EPHA5: variants seen among roughly 807,000 people sequenced by gnomAD.
EPHA5 encodes ephrin type-A receptor 5.
EPHA5 carries 60 observed loss-of-function variants against 105.0 expected under a neutral mutation model. That is an observed-to-expected ratio of 0.57 (90% CI 0.46 to 0.71). The LOEUF is 0.71. Ranked by LOEUF, EPHA5 falls within the 30% of genes least tolerant of loss-of-function variation. The pLI, the probability that EPHA5 is intolerant of heterozygous loss-of-function variation, is 0.00. For missense variants in EPHA5, 1,218 were observed against 1,274.7 expected, an observed-to-expected ratio of 0.96 and a Z score of 0.68; for synonymous variants, 513 against 449.1, an observed-to-expected ratio of 1.14 and a Z score of -1.80.
intron 6 of EPHA5, among the ~76,000 whole-genome samples, chr4:65,415,460 A>T (rs1226255189): frequency 6.6e-6 from 1 of 151,972 alleles, no homozygotes; most frequent in Non-Finnish European, 1.5e-5. Flanking sequence ...ATACTATCTA[A>T]AATATACAAT....
At chr4:65,564,086 A>G (rs1022565862) in intron 3 of EPHA5, among the ~76,000 whole-genome samples, 4 of 151,948 alleles carry the variant, frequency 2.6e-5, no homozygotes, top group African/African-American at 9.7e-5. Context: ...AAACAAACAA[A>G]CAAAAAATGA....
chr4:65,496,836 G>A (rs982325599), intron 3 of EPHA5, among the ~76,000 whole-genome samples: 1 of 152,122 alleles, frequency 6.6e-6, no homozygotes, highest in South Asian at 2.1e-4. Flanking sequence ...TATGAAATGT[G>A]TGAATGAATG....
At chr4:65,482,670 T>C (rs1397226445) in intron 5 of EPHA5, among the ~76,000 whole-genome samples, 1 of 152,142 alleles carries the variant, frequency 6.6e-6, no homozygotes, top group Non-Finnish European at 1.5e-5. Flanking sequence ...AGTGACCTAC[T>C]TAGTCATGAC....
At chr4:65,508,268 G>T (rs961180089) in intron 3 of EPHA5, among the ~76,000 whole-genome samples, 72 of 152,124 alleles carry the variant, frequency 4.7e-4, no homozygotes, top group African/African-American at 1.6e-3. Context: ...AGTGAGATCT[G>T]CTTTGATTAA....
intron 3 of EPHA5, among the ~76,000 whole-genome samples, chr4:65,507,745 T>C (rs190791157): frequency 3.3e-5 from 5 of 152,282 alleles, no homozygotes; most frequent in Non-Finnish European, 7.4e-5. Flanking sequence ...AAGTTGCTTA[T>C]CAGCTTAAGG....
chr4:65,652,208 T>A (rs767599000), intron 1 of EPHA5, among the ~76,000 whole-genome samples: 1 of 152,100 alleles, frequency 6.6e-6, no homozygotes. Context: ...CATTGTCAAG[T>A]CCTCACTACT....
chr4:65,516,936 A>G (rs2149270770), intron 3 of EPHA5, among the ~76,000 whole-genome samples: 1 of 152,256 alleles, frequency 6.6e-6, no homozygotes, highest in Non-Finnish European at 1.5e-5. Flanking sequence ...ACACTTGTAA[A>G]GAATGTGTAG....
Position 65,669,835 on chromosome 4 carries a change from C to T in EPHA5, c.-93G>A, listed in dbSNP as rs573891124. The T allele has an allele frequency of 8.1e-7, 1 of 1,232,810 alleles. No homozygotes were observed. Among genetic ancestry groups the T allele is most frequent in the Non-Finnish European group, 1.0e-6 (1 of 988,792 alleles). 76.4% of individuals were successfully genotyped at this position (1,232,810 alleles called of 1,614,324 possible). On this transcript the variant is annotated 5_prime_UTR_variant, in exon 1 of 17. Transcript: ENST00000613740. ...GGCGAAGGGAGACTCGGGAGTCCTCCTTGTCCCCCCTTGGGGTCCTACGCC... is the reference window on the plus strand; with the variant it reads ...GGCGAAGGGAGACTCGGGAGTCCTCTTTGTCCCCCCTTGGGGTCCTACGCC...
At chr4:65,398,741 A>G (rs1415520338) in intron 8 of EPHA5, among the ~76,000 whole-genome samples, 1 of 152,102 alleles carries the variant, frequency 6.6e-6, no homozygotes, top group African/African-American at 2.4e-5. Flanking sequence ...AGGGCTTCAG[A>G]TATTGGGACA....
rs78658335 is a variant in EPHA5, at chr4:65,572,288, G to T, written c.910+29353C>A. ...TAATTATTCTGAAATTAGTTTTCAA[G>T]TATATATACTACTTTTAATTATTTA... On this transcript the variant is annotated intron_variant, in intron 3 of 16. Coordinates refer to ENST00000613740, the MANE Select transcript of EPHA5 (RefSeq NM_001281766.3). Among the ~76,000 whole-genome samples, 12 of 152,156 alleles carry T rather than the reference G, an allele frequency of 7.9e-5. No individual in the cohort carries two copies. In the East Asian group the frequency reaches 2.3e-3, roughly 29 times the overall value.
At chr4:65,364,240 C>T (rs537274133) in intron 11 of EPHA5, among the ~76,000 whole-genome samples, 16 of 151,592 alleles carry the variant, frequency 1.1e-4, no homozygotes, top group South Asian at 2.1e-4. Context: ...ATATGGATTT[C>T]GGTAACTTAT....
chr4:65,394,933 T>G (rs957779073), intron 8 of EPHA5, among the ~76,000 whole-genome samples: 4 of 152,150 alleles, frequency 2.6e-5, no homozygotes, highest in African/African-American at 9.7e-5. Flanking sequence ...GAATATACTC[T>G]TCACAAAGTA....
intron 3 of EPHA5, among the ~76,000 whole-genome samples, chr4:65,513,740 C>A (rs1466259294): frequency 6.6e-6 from 1 of 152,068 alleles, no homozygotes; most frequent in African/African-American, 2.4e-5. Context: ...TTTTTAAAGT[C>A]TTCTGAAGTT....
intron 4 of EPHA5, among the ~76,000 whole-genome samples, chr4:65,493,503 G>A (rs565079476): frequency 6.6e-6 from 1 of 152,246 alleles, no homozygotes; most frequent in South Asian, 2.1e-4. Flanking sequence ...GAAATCATAT[G>A]CAGTATTTGT....
chr4:65,600,092 ATAAT>A (rs1457238606), intron 3 of EPHA5, among the ~76,000 whole-genome samples: 44 of 152,298 alleles, frequency 2.9e-4, no homozygotes, highest in East Asian at 9.6e-4. Flanking sequence ...ATTTTTAGAA[ATAAT>A]TAATAAGATT....
At chr4:65,663,349 C>T (rs1050586865) in intron 1 of EPHA5, among the ~76,000 whole-genome samples, 1 of 152,068 alleles carries the variant, frequency 6.6e-6, no homozygotes, top group Non-Finnish European at 1.5e-5. Context: ...TACCAAACCA[C>T]AGAGTTTTTA....
At position 65,668,899 on chromosome 4, in the gene EPHA5, T is replaced by C. The variant is rs183555204; in HGVS notation, c.181+663A>G. On this transcript the variant is annotated intron_variant, in intron 1 of 16. Coordinates refer to ENST00000613740, the MANE Select transcript of EPHA5 (RefSeq NM_001281766.3). ...CCTTCTCGCCTTCTTCCACCTTGGC[T>C]TGAGTGTGACAATGAACTCCCCCAA... Among the ~76,000 whole-genome samples, 29 of 151,994 alleles carry C rather than the reference T, an allele frequency of 1.9e-4. No homozygotes were observed. The East Asian group carries it at 5.7e-3, about 30-fold the overall frequency.
chr4:65,377,544 T>C (rs760651268), intron 8 of EPHA5, among the ~76,000 whole-genome samples: 5 of 152,092 alleles, frequency 3.3e-5, no homozygotes, highest in South Asian at 2.1e-4. Context: ...TTACTTATCA[T>C]AGCCTATTGA....
chr4:65,396,109 C>A (rs1159183089), intron 8 of EPHA5, among the ~76,000 whole-genome samples: 2 of 152,186 alleles, frequency 1.3e-5, no homozygotes. Flanking sequence ...CTCAGACGTG[C>A]CTGCTCCTGC....
Sources: gnomAD v4.1 joint callset for allele counts (sites outside exome capture counted in the v4.1 genomes callset) on GRCh38, gnomAD v4.1.1 for gene constraint, MANE v1.5 for transcripts, NCBI Gene and HGNC (gene_info 2026-07-23, HGNC 2026-07-21) for gene names.